The following MYT1L variants were observed in gnomAD, a reference collection of about 807,000 sequenced individuals.
MYT1L encodes myelin transcription factor 1 like.
MYT1L carries 12 observed loss-of-function variants against 126.7 expected under a neutral mutation model. That is an observed-to-expected ratio of 0.09 (90% CI 0.06 to 0.15). The LOEUF is 0.15. Ranked by LOEUF, MYT1L falls within the 10% of genes least tolerant of loss-of-function variation. The pLI is 1.00. For missense variants in MYT1L, 979 were observed against 1,585.2 expected (o/e 0.62, Z 6.49); for synonymous variants, 541 against 604.2 (o/e 0.90, Z 1.53).
rs377496308 is a variant in MYT1L at position 1,809,021 on chromosome 2, G to A, written c.3172+55C>T. ...CAAAGGACACACAGCTGGCATGGCCGTGCCCGCTGGGCCTTCCTGACCATG... is the reference window on the plus strand; with the variant it reads ...CAAAGGACACACAGCTGGCATGGCCATGCCCGCTGGGCCTTCCTGACCATG... On this transcript the variant is annotated intron_variant, in intron 22 of 24. Coordinates refer to ENST00000647738, the MANE Select transcript of MYT1L (RefSeq NM_001303052.2). The A allele has an allele frequency of 7.4e-5, 111 of 1,505,044 alleles. No homozygotes were observed. The African/African-American group carries it at 9.2e-4, about 12-fold the overall frequency. The allele number at this position is 1,505,044 out of a possible 1,614,324, so 93.2% of individuals were successfully genotyped here. A position where few individuals can be genotyped will look rare whatever the true frequency, so the allele number is the denominator to read the frequency against.
chr2:1,894,590 G>GA (rs373741938), intron 14 of MYT1L, among the ~76,000 whole-genome samples: 143 of 142,412 alleles, frequency 1.0e-3, no homozygotes, highest in Non-Finnish European at 1.1e-3. Context: ...ACTGGTTTAG[G>GA]AAAAAAAAAA....
At chr2:1,886,933 G>A in intron 17 of MYT1L, 1 of 401,404 alleles carries the variant, frequency 2.5e-6, no homozygotes, top group Non-Finnish European at 4.4e-6. Flanking sequence ...GCTTTTGAAG[G>A]TCAACATATA....
At chr2:1,881,280 A>C (rs1399256675) in intron 18 of MYT1L, among the ~76,000 whole-genome samples, 1 of 151,726 alleles carries the variant, frequency 6.6e-6, no homozygotes, top group African/African-American at 2.4e-5. Flanking sequence ...AGACCGAGGC[A>C]TTTCTGGCTC....
chr2:1,980,147 A>G (rs1038284605), intron 5 of MYT1L, among the ~76,000 whole-genome samples: 1 of 149,446 alleles, frequency 6.7e-6, no homozygotes, highest in African/African-American at 2.4e-5. Flanking sequence ...TAGGTTTATA[A>G]GAAGGTAAAT....
chr2:2,237,465 T>G (rs1217857055), intron 2 of MYT1L, among the ~76,000 whole-genome samples: 1 of 152,214 alleles, frequency 6.6e-6, no homozygotes, highest in African/African-American at 2.4e-5. Context: ...GTATGAGGGA[T>G]GTGATTTTGT....
chr2:1,830,431 G>T (rs901054180), intron 21 of MYT1L, among the ~76,000 whole-genome samples: 1 of 152,198 alleles, frequency 6.6e-6, no homozygotes, highest in Non-Finnish European at 1.5e-5. Context: ...CACTGACATT[G>T]TCTGGAAGAT....
chr2:2,125,057 G>C (rs1373211333), intron 3 of MYT1L, among the ~76,000 whole-genome samples: 1 of 152,178 alleles, frequency 6.6e-6, no homozygotes, highest in East Asian at 1.9e-4. Flanking sequence ...ATAACCATTA[G>C]AGAAACACAG....
Position 2,236,757 on chromosome 2 carries a change from T to TTTCTTCTTC in MYT1L, c.-421+47638_-421+47646dup, listed in dbSNP as rs760901038. The stretch of plus-strand genomic sequence containing the variant: ...ACTGGTGAAGACTCATTGGTTGTCC[T>TTTCTTCTTC]TTCTTCTTCTTCTTCTTCTTCTTCT... On this transcript the variant is annotated intron_variant, in intron 2 of 24. Transcript: ENST00000647738. Among the ~76,000 whole-genome samples the TTTCTTCTTC allele has an allele frequency of 6.0e-4, 80 of 132,606 alleles. 1 individual carries two copies. Among genetic ancestry groups the TTTCTTCTTC allele is most frequent in the Middle Eastern group, 4.0e-3 (1 of 252 alleles). 87.0% of individuals were successfully genotyped at this position (132,606 alleles called of 152,430 possible).
intron 2 of MYT1L, among the ~76,000 whole-genome samples, chr2:2,256,049 C>T (rs2094801978): frequency 6.6e-6 from 1 of 152,186 alleles, no homozygotes; most frequent in Admixed American, 6.5e-5. Flanking sequence ...AGAAGGTCCA[C>T]CTGACCTTGC....
At chr2:1,993,037 A>G (rs374419471) in intron 5 of MYT1L, among the ~76,000 whole-genome samples, 2 of 152,072 alleles carry the variant, frequency 1.3e-5, no homozygotes, top group South Asian at 2.1e-4. Flanking sequence ...TCCCTGACCA[A>G]TCAGCACTCC....
chr2:2,011,973 G>A (rs1046506303), intron 4 of MYT1L, among the ~76,000 whole-genome samples: 3 of 152,194 alleles, frequency 2.0e-5, no homozygotes, highest in African/African-American at 7.2e-5. Context: ...ACATGCCTAC[G>A]TTGCTGGTGA....
chr2:2,161,616 C>T (rs2087942743), intron 3 of MYT1L, among the ~76,000 whole-genome samples: 1 of 152,068 alleles, frequency 6.6e-6, no homozygotes, highest in Non-Finnish European at 1.5e-5. Flanking sequence ...ATTACATTTC[C>T]CAGGTCTCAG....
At chr2:1,842,842 C>T (rs4077156) in intron 19 of MYT1L, 6,086 of 154,686 alleles carry the variant, frequency 0.039, 190 homozygotes, top group East Asian at 0.062. Flanking sequence ...TGATGTCACA[C>T]CCAAGGCCTC....
intron 13 of MYT1L, among the ~76,000 whole-genome samples, chr2:1,906,450 T>C (rs2051069892): frequency 6.6e-6 from 1 of 152,214 alleles, no homozygotes; most frequent in Non-Finnish European, 1.5e-5. Context: ...GATTATTTCA[T>C]AAATTTATAT....
intron 4 of MYT1L, among the ~76,000 whole-genome samples, chr2:2,007,823 T>C (rs1485150688): frequency 1.3e-5 from 2 of 152,168 alleles, no homozygotes; most frequent in African/African-American, 4.8e-5. Flanking sequence ...GCTGCCAAAC[T>C]AGCTTTGGGA....
rs2036665583 is a variant in MYT1L, at chr2:1,811,551, T to G, written c.3081-2384A>C. ...CCTGGCTTCTCCTGCTTGCCCTGAC[T>G]GCATCCCCAGGAATCCGGACAGTCC... On this transcript the variant is annotated intron_variant, in intron 21 of 24. Transcript: ENST00000647738. The surrounding 1 kb of genome is among the most constrained non-coding windows in gnomAD (Gnocchi z 4.4). 1 of 152,152 alleles carries G rather than the reference T, an allele frequency of 6.6e-6. No individual in the cohort carries two copies. Among genetic ancestry groups the G allele is most frequent in the African/African-American group, 2.4e-5 (1 of 41,418 alleles). 9.4% of individuals were successfully genotyped at this position (152,152 alleles called of 1,614,324 possible).
chr2:2,017,517 T>C (rs533445885), intron 4 of MYT1L, among the ~76,000 whole-genome samples: 2 of 152,332 alleles, frequency 1.3e-5, no homozygotes, highest in East Asian at 3.9e-4. Flanking sequence ...AATACCTTGC[T>C]GTGTGGTGTC....
At chr2:2,077,135 T>A (rs941985051) in intron 3 of MYT1L, among the ~76,000 whole-genome samples, 4 of 152,002 alleles carry the variant, frequency 2.6e-5, no homozygotes, top group African/African-American at 9.7e-5. Flanking sequence ...AATAGGTTAA[T>A]AGAGAGTATT....
chr2:1,807,726 C>A (rs190961979), intron 22 of MYT1L, among the ~76,000 whole-genome samples: 197 of 152,242 alleles, frequency 1.3e-3, no homozygotes, highest in Admixed American at 3.7e-3. Context: ...AAAGTTACTG[C>A]ACACAGGCTG....
Sources: allele counts gnomAD v4.1 joint callset (sites outside exome capture counted in the v4.1 genomes callset), GRCh38; gene constraint gnomAD v4.1.1; non-coding constraint Gnocchi (gnomAD v3.1); transcripts MANE v1.5; gene names NCBI Gene and HGNC (gene_info 2026-07-23, HGNC 2026-07-21).